Variants in PDZRN3 observed in about 807,000 individuals in gnomAD.
PDZRN3 encodes E3 ubiquitin-protein ligase PDZRN3.
PDZRN3 carries 38 observed loss-of-function variants against 85.7 expected under a neutral mutation model. The ratio of observed to expected loss-of-function variants is 0.44; its 90% CI spans 0.34 to 0.58. The LOEUF (loss-of-function observed/expected upper bound fraction) is 0.58. Ranked by LOEUF, PDZRN3 falls within the 20% of genes least tolerant of loss-of-function variation. The pLI, the probability that PDZRN3 is intolerant of heterozygous loss-of-function variation, is 0.01. For missense variants in PDZRN3, 1,629 were observed against 1,506.4 expected (o/e 1.08, Z -1.35); for synonymous variants, 759 against 638.0 (o/e 1.19, Z -2.86).
At chr3:73,393,230 GA>G (rs1359491809) in intron 5 of PDZRN3, among the ~76,000 whole-genome samples, 19 of 152,252 alleles carry the variant, frequency 1.2e-4, no homozygotes, top group Non-Finnish European at 1.8e-4. Context: ...AGAAAAATGA[GA>G]AAGACAAGAA....
intron 3 of PDZRN3, among the ~76,000 whole-genome samples, chr3:73,538,141 C>A (rs1376988793): frequency 6.6e-6 from 1 of 152,138 alleles, no homozygotes; most frequent in Non-Finnish European, 1.5e-5. Context: ...TGGGCCATTA[C>A]CTGAAGATTA....
chr3:73,584,702 T>TAC (rs1702254452), intron 3 of PDZRN3, among the ~76,000 whole-genome samples: 1 of 152,184 alleles, frequency 6.6e-6, no homozygotes, highest in Admixed American at 6.5e-5. Context: ...TCTCTCTAAA[T>TAC]ACAAAAGCTA....
intron 5 of PDZRN3, among the ~76,000 whole-genome samples, chr3:73,392,399 A>G (rs1701546709): frequency 1.3e-5 from 2 of 152,332 alleles, no homozygotes; most frequent in East Asian, 3.9e-4. Context: ...TTGCTGATAT[A>G]TGGGGTATAA....
intron 3 of PDZRN3, among the ~76,000 whole-genome samples, chr3:73,442,897 T>C (rs1702670004): frequency 6.6e-6 from 1 of 152,088 alleles, no homozygotes; most frequent in Non-Finnish European, 1.5e-5. Context: ...TAGGTCCCTG[T>C]GGTGTTGTTT....
At chr3:73,435,796 G>T (rs1406144658) in intron 3 of PDZRN3, among the ~76,000 whole-genome samples, 1 of 152,136 alleles carries the variant, frequency 6.6e-6, no homozygotes, top group Non-Finnish European at 1.5e-5. Context: ...TTGCCAGGCT[G>T]GTCTTTACAA....
At chr3:73,560,564 A>C (rs1330915749) in intron 3 of PDZRN3, among the ~76,000 whole-genome samples, 1 of 152,356 alleles carries the variant, frequency 6.6e-6, no homozygotes, top group East Asian at 1.9e-4. Flanking sequence ...ATTTTGCTCC[A>C]TTGAGAAATA....
intron 3 of PDZRN3, among the ~76,000 whole-genome samples, chr3:73,551,003 A>G (rs1402652668): frequency 2.0e-5 from 3 of 152,242 alleles, no homozygotes; most frequent in Non-Finnish European, 4.4e-5. Flanking sequence ...ATAACGCTGG[A>G]TGCTTTCAGG....
intron 3 of PDZRN3, among the ~76,000 whole-genome samples, chr3:73,426,928 A>G (rs1702327422): frequency 6.6e-6 from 1 of 152,172 alleles, no homozygotes; most frequent in South Asian, 2.1e-4. Context: ...CTTGCTTCCT[A>G]CTGCCACTCA....
chr3:73,415,953 A>G (rs556830596), intron 3 of PDZRN3, among the ~76,000 whole-genome samples: 14 of 151,002 alleles, frequency 9.3e-5, no homozygotes, highest in South Asian at 6.3e-4. Flanking sequence ...GACATTTGCC[A>G]AGAGAGTAGA....
chr3:73,425,600 G>GA (rs61097259), intron 3 of PDZRN3, among the ~76,000 whole-genome samples: 62 of 143,624 alleles, frequency 4.3e-4, no homozygotes, highest in Non-Finnish European at 5.1e-4. Flanking sequence ...CAAATAAGAA[G>GA]AAAAAAAAAA....
At chr3:73,477,446 T>G (rs1296493543) in intron 3 of PDZRN3, among the ~76,000 whole-genome samples, 1 of 152,200 alleles carries the variant, frequency 6.6e-6, no homozygotes, top group Non-Finnish European at 1.5e-5. Context: ...GACAGATAAT[T>G]CCTGGATTGT....
intron 3 of PDZRN3, among the ~76,000 whole-genome samples, chr3:73,590,312 G>A (rs372968970): frequency 5.5e-5 from 8 of 146,680 alleles, no homozygotes; most frequent in Middle Eastern, 3.3e-3. Context: ...AAGAAAAAAC[G>A]CAGATTAAAA....
At chr3:73,487,350 G>A (rs1463079926) in intron 3 of PDZRN3, among the ~76,000 whole-genome samples, 1 of 152,058 alleles carries the variant, frequency 6.6e-6, no homozygotes, top group Non-Finnish European at 1.5e-5. Flanking sequence ...TACCTCTGGG[G>A]GGAAAAGCCA....
chr3:73,433,963 C>T, intron 3 of PDZRN3: 2 of 1,327,756 alleles, frequency 1.5e-6, no homozygotes, highest in Non-Finnish European at 1.9e-6. Flanking sequence ...CATACACGCA[C>T]ACCACTCCCT....
rs189831215 is a variant in PDZRN3, at chr3:73,511,779, G to A, written c.918+90575C>T. Among the ~76,000 whole-genome samples the A allele has an allele frequency of 1.0e-2, 1,522 of 152,330 alleles. 24 individuals are homozygous for A. Among genetic ancestry groups the A allele is most frequent in the African/African-American group, 0.034 (1,413 of 41,578 alleles). On this transcript the variant is annotated intron_variant, in intron 3 of 9. Coordinates refer to ENST00000263666, the MANE Select transcript of PDZRN3 (RefSeq NM_015009.3). The stretch of plus-strand genomic sequence containing the variant: ...GCATCTAAAACAGACACCTCATTGT[G>A]CTTGGTTTAAAAGGAGCCCTTGGAA...
At chr3:73,474,183 T>C (rs150224160) in intron 3 of PDZRN3, among the ~76,000 whole-genome samples, 6 of 152,164 alleles carry the variant, frequency 3.9e-5, no homozygotes, top group Non-Finnish European at 8.8e-5. Context: ...GCCACGTTGA[T>C]AGGCACTTTC....
chr3:73,411,715 A>G (rs1701972678), intron 3 of PDZRN3, among the ~76,000 whole-genome samples: 1 of 152,194 alleles, frequency 6.6e-6, no homozygotes, highest in African/African-American at 2.4e-5. Context: ...AGGGCTTGAA[A>G]ACGGTGTCTC....
chr3:73,423,269 T>C (rs1003503475), intron 3 of PDZRN3, among the ~76,000 whole-genome samples: 3 of 152,226 alleles, frequency 2.0e-5, no homozygotes, highest in Admixed American at 6.5e-5. Flanking sequence ...AGTTTTACTT[T>C]ATTAAAGTGC....
chr3:73,443,459 C>T (rs1358475294), intron 3 of PDZRN3, among the ~76,000 whole-genome samples: 2 of 145,194 alleles, frequency 1.4e-5, no homozygotes, highest in African/African-American at 2.8e-5. Context: ...CTACTATTAA[C>T]TTGATTTATT....
Sources: allele counts gnomAD v4.1 joint callset (sites outside exome capture counted in the v4.1 genomes callset), GRCh38; gene constraint gnomAD v4.1.1; transcripts MANE v1.5; gene names NCBI Gene and HGNC (gene_info 2026-07-23, HGNC 2026-07-21).